CCDC9B: variants seen among roughly 807,000 people sequenced by gnomAD.
CCDC9B encodes coiled-coil domain containing 9B, also known as coiled-coil domain-containing protein 9B.
A neutral mutation model predicts 47.2 loss-of-function variants in CCDC9B; 40 were observed. The observed-to-expected ratio is 0.85, with a 90% confidence interval of 0.66 to 1.10. The LOEUF (loss-of-function observed/expected upper bound fraction) is 1.10. CCDC9B is among the 50% of genes least tolerant of loss of function. CCDC9B has a pLI of 0.00. For missense variants in CCDC9B, 662 were observed against 651.0 expected (o/e 1.02, Z -0.18); for synonymous variants, 238 against 250.7 (o/e 0.95, Z 0.48).
intron 5 of CCDC9B, 117 bp downstream of exon 5, chr15:40,338,418 T>G: frequency 1.6e-6 from 2 of 1,215,144 alleles, no homozygotes; most frequent in South Asian, 2.8e-5. Flanking sequence ...CAGGAACTCC[T>G]GCATGTGCTC....
Position 40,338,641 on chromosome 15 carries a change from T to C in CCDC9B, c.407A>G (p.Glu136Gly), listed in dbSNP as rs776912507. ...NKAEGKRIVS[E>G]KPTRARNQGI... ...TTGGTTCCTTGCTCTGGTAGGCTTT[T>C]CACTTACAATCCGTTTGCCCTGGGG... is the stretch of plus-strand genomic sequence containing the variant. Residue 136 changes from glutamate to glycine, a missense_variant, in exon 5 of 11, where the codon GAA becomes GGA. By Grantham distance (98) the Glu-to-Gly change is moderately conservative (BLOSUM62 -2). Transcript: ENST00000397536. 6.2e-7 allele frequency: 1 copy of C among 1,614,082 alleles called. No individual in the cohort carries two copies. Among genetic ancestry groups the C allele is most frequent in the Non-Finnish European group, 8.5e-7 (1 of 1,179,982 alleles).
chr15:40,338,989 G>C (rs764469852), intron 3 of CCDC9B, 86 bp from the exon 4 acceptor site: 1 of 1,468,320 alleles, frequency 6.8e-7, no homozygotes, highest in South Asian at 1.1e-5. Flanking sequence ...CCAGGCCTGG[G>C]TTCCAACCCC....
rs1129264 is a variant in CCDC9B, at chr15:40,331,623, A to G, written c.*3535T>C. On this transcript the variant is annotated 3_prime_UTR_variant, in exon 11 of 11. Coordinates refer to ENST00000397536, the MANE Select transcript of CCDC9B (RefSeq NM_207380.3). ...CCCTGCTTAGCTTACGAGATTAGGC[A>G]CGTTCAGGGTGGTATGGCCGTAGAC... The G allele has an allele frequency of 0.48, 72,498 of 152,098 alleles. 19,532 individuals carry two copies. The highest frequency in any genetic ancestry group is 0.86 in the East Asian group (4,448 of 5,148). The allele number at this position is 152,098 out of a possible 1,614,324, so 9.4% of individuals were successfully genotyped here. A position where few individuals can be genotyped will look rare whatever the true frequency, so the allele number is the denominator to read the frequency against.
chr15:40,337,281 C>T, intron 7 of CCDC9B, 107 bp downstream of exon 7: 1 of 1,101,206 alleles, frequency 9.1e-7, no homozygotes, highest in Non-Finnish European at 1.4e-6. Context: ...CCAACGCTTC[C>T]TTTCAGCTCT....
intron 6 of CCDC9B, 31 bp downstream of exon 6, chr15:40,337,693 C>T: frequency 2.6e-6 from 4 of 1,566,012 alleles, no homozygotes; most frequent in Non-Finnish European, 3.5e-6. Flanking sequence ...CATCCCGCAC[C>T]ACAGGCAACC....
rs376186370 is a variant in CCDC9B at position 40,339,921 on chromosome 15, A to G, written c.107T>C (p.Leu36Ser). 1.2e-6 allele frequency: 2 copies of G among 1,612,250 alleles called. No individual in the cohort carries two copies. The highest frequency in any genetic ancestry group is 8.5e-7 in the Non-Finnish European group (1 of 1,178,458). ...IVALRKKNQA[L>S]LRRYQEIQED... ...CCCACTCACCTGGTACCTGCGGAGC[A>G]AGGCCTGGTTCTTCTTGCGCAGGGC... The change falls in exon 2 of 11, where the codon TTG (leucine) becomes TCG (serine). Residue 36 changes from leucine to serine, a missense_variant. Physicochemically the swap from Leu to Ser is moderately radical, Grantham distance 145 (BLOSUM62 -2). Transcript: ENST00000397536.
rs777764978 is a variant in CCDC9B at position 40,337,457 on chromosome 15, A to G, written c.684-11T>C. The G allele has an allele frequency of 3.2e-6, 5 of 1,544,422 alleles. No homozygotes were observed. In the African/African-American group the frequency reaches 4.1e-5, roughly 13 times the overall value. On this transcript the variant is annotated splice_polypyrimidine_tract_variant and intron_variant, in intron 6 of 10. Transcript: ENST00000397536. The stretch of plus-strand genomic sequence containing the variant: ...CTGCAGTCCTGTAGCCTGTGTAGAC[A>G]GAGGGAGTCAGGTTGCTGGTGCACA...
rs1889068659 is a variant in CCDC9B at position 40,340,522 on chromosome 15, C to T, written c.12+286G>A. The stretch of plus-strand genomic sequence containing the variant: ...GCCCAGCCTGGAGGAAAGAGCCGCT[C>T]CCAGGGGCCCAGCCTCTCCAGGCCG... On this transcript the variant is annotated intron_variant, in intron 1 of 10. Coordinates refer to ENST00000397536, the MANE Select transcript of CCDC9B (RefSeq NM_207380.3). 9 of 473,016 alleles carry T rather than the reference C, an allele frequency of 1.9e-5. No homozygotes were observed. In the South Asian group the frequency reaches 3.0e-4, roughly 16 times the overall value. 29.3% of individuals were successfully genotyped at this position (473,016 alleles called of 1,614,324 possible).
chr15:40,335,617 G>A lies in CCDC9B; in HGVS notation c.1014C>T (p.Ser338=), dbSNP rs760422698. 79 of 1,499,468 alleles carry A rather than the reference G, an allele frequency of 5.3e-5. No individual in the cohort carries two copies. The highest frequency in any genetic ancestry group is 6.3e-5 in the Non-Finnish European group (71 of 1,119,734). 92.9% of individuals were successfully genotyped at this position (1,499,468 alleles called of 1,614,324 possible). Residue 338 remains serine, a synonymous_variant, in exon 11 of 11, where the codon AGC becomes AGT. Coordinates refer to ENST00000397536, the MANE Select transcript of CCDC9B (RefSeq NM_207380.3). Reference sequence around the variant, plus strand: ...CCAGGGCTGGGCTGGCTGCAGGGGCGCTCCCCAGTCGGCCCTGCTCCATCC... The same window carrying A: ...CCAGGGCTGGGCTGGCTGCAGGGGCACTCCCCAGTCGGCCCTGCTCCATCC... The part of the protein sequence containing the change: ...QSGMEQGRLG[S]APAASPALAS...
At chr15:40,339,850 G>A (rs915258418) in intron 2 of CCDC9B, 55 bp downstream of exon 2, 45 of 1,468,802 alleles carry the variant, frequency 3.1e-5, no homozygotes, top group Non-Finnish European at 3.9e-5. Flanking sequence ...CCACGTGTGG[G>A]GCACAGGGAG....
intron 1 of CCDC9B, 157 bp downstream of exon 1, chr15:40,340,651 T>A: frequency 2.9e-6 from 2 of 685,026 alleles, no homozygotes; most frequent in Non-Finnish European, 2.4e-6. Flanking sequence ...TCCAGGTTCC[T>A]CTCTGTCTGG....
At chr15:40,337,057 G>A in intron 7 of CCDC9B, 1 of 603,520 alleles carries the variant, frequency 1.7e-6, no homozygotes, top group East Asian at 2.8e-5. Context: ...AAGGGGACCA[G>A]AACTCCACAG....
chr15:40,339,412 T>A, intron 3 of CCDC9B, 100 bp downstream of exon 3: 1 of 1,279,132 alleles, frequency 7.8e-7, no homozygotes, highest in Non-Finnish European at 1.1e-6. Context: ...CACCCCAGAA[T>A]AGTTAGTAGG....
chr15:40,337,275 C>A, intron 7 of CCDC9B, 113 bp downstream of exon 7: 1 of 1,012,976 alleles, frequency 9.9e-7, no homozygotes, highest in South Asian at 1.3e-5. Context: ...TGTTCTCCAA[C>A]GCTTCCTTTC....
rs1165494723 is a variant in CCDC9B, at chr15:40,333,027, G to A, written c.*2131C>T. On this transcript the variant is annotated 3_prime_UTR_variant, in exon 11 of 11. Transcript: ENST00000397536. ...CAGCTCTCCCACTGCACTACTAGAA[G>A]TTGACACCACCCACTCACTGCCTTC... 4 of 152,212 alleles carry A rather than the reference G, an allele frequency of 2.6e-5. No homozygotes were observed. Among genetic ancestry groups the A allele is most frequent in the African/African-American group, 7.3e-5 (3 of 41,332 alleles). The allele number at this position is 152,212 out of a possible 1,614,324, so 9.4% of individuals were successfully genotyped here.
intron 9 of CCDC9B, 33 bp downstream of exon 9, chr15:40,336,541 C>G (rs1181718055): frequency 6.2e-7 from 1 of 1,605,428 alleles, no homozygotes; most frequent in East Asian, 2.2e-5. Flanking sequence ...CACCCACATG[C>G]CCGTCTTGAT....
chr15:40,340,291 T>C, intron 1 of CCDC9B: 2 of 471,324 alleles, frequency 4.2e-6, no homozygotes, highest in Non-Finnish European at 7.5e-6. Context: ...CCCCCAGCTC[T>C]CCAGGGAGCT....
In CCDC9B at chr15:40,333,815, C is replaced by T. The variant is rs1888903068; in HGVS notation, c.*1343G>A. ...AAATCCCAGGGTGATCTGGACTCTC[C>T]CTAGAGCCCCACAGCCTTCAGCAGA... On this transcript the variant is annotated 3_prime_UTR_variant, in exon 11 of 11. Coordinates refer to ENST00000397536, the MANE Select transcript of CCDC9B (RefSeq NM_207380.3). The T allele has an allele frequency of 3.4e-5, 6 of 177,058 alleles. No individual in the cohort carries two copies. The Admixed American group carries it at 3.9e-4, about 12-fold the overall frequency. The allele number at this position is 177,058 out of a possible 1,614,324, so 11.0% of individuals were successfully genotyped here.
Position 40,338,854 on chromosome 15 carries a change from C to A in CCDC9B, c.281G>T (p.Arg94Ile), listed in dbSNP as rs761723489. The A allele has an allele frequency of 1.9e-6, 3 of 1,614,220 alleles. No individual in the cohort carries two copies. Among genetic ancestry groups the A allele is most frequent in the Non-Finnish European group, 2.5e-6 (3 of 1,180,024 alleles). The change falls in exon 4 of 11, where the codon AGA becomes ATA. Residue 94 changes from arginine (R) to isoleucine (I), a missense_variant. Arg to Ile is a moderately conservative substitution (Grantham distance 97). Transcript: ENST00000397536. ...ATCCTCAAGCATCTCGTTGGTCACT[C>A]TGGGTCCACAGGTACCCCTTGCCCA... is the stretch of plus-strand genomic sequence containing the variant. ...RNWARGTCGP[R>I]VTNEMLEDED... is the part of the protein sequence containing the mutation.
Sources: allele counts gnomAD v4.1 joint callset, GRCh38; gene constraint gnomAD v4.1.1; transcripts MANE v1.5; gene names NCBI Gene and HGNC (gene_info 2026-07-23, HGNC 2026-07-21).